The following RGS6 variants were observed in gnomAD, a reference collection of about 807,000 sequenced individuals.
RGS6 encodes the protein regulator of G protein signaling 6.
In RGS6, 30 loss-of-function variants were observed where a neutral mutation model predicts 78.5. The observed-to-expected ratio is 0.38, with a 90% CI of 0.29 to 0.52. RGS6 has a LOEUF of 0.52. Ranked by LOEUF, RGS6 falls within the 20% of genes least tolerant of loss-of-function variation. The pLI, the probability that RGS6 is intolerant of heterozygous loss-of-function variation, is 0.85. For missense variants in RGS6, 495 were observed against 609.7 expected (o/e 0.81, Z 1.98); for synonymous variants, 206 against 206.0 (o/e 1.00, Z 0.00).
At chr14:72,479,510 C>CA (rs1419861222) in intron 12 of RGS6, among the ~76,000 whole-genome samples, 1 of 152,200 alleles carries the variant, frequency 6.6e-6, no homozygotes, top group Non-Finnish European at 1.5e-5. Flanking sequence ...CAGACATTGC[C>CA]AAATGTCCCC....
At chr14:72,625,843 CT>C in the RGS6 span, among the ~76,000 whole-genome samples, 7 of 152,076 alleles carry the variant, frequency 4.6e-5, no homozygotes, top group African/African-American at 7.2e-5. Flanking sequence ...TTTGGTTATT[CT>C]TTTTCTGACT....
At chr14:72,513,779 T>G (rs2096907356) in intron 14 of RGS6, 1 of 152,208 alleles carries the variant, frequency 6.6e-6, no homozygotes, top group Non-Finnish European at 1.5e-5. Context: ...AGAGAATGAG[T>G]TAAAAATCAA....
At chr14:72,287,523 C>A (rs914370213) in intron 2 of RGS6, among the ~76,000 whole-genome samples, 1 of 152,162 alleles carries the variant, frequency 6.6e-6, no homozygotes, top group African/African-American at 2.4e-5. Flanking sequence ...GTGGCGTGAT[C>A]TAGACTTACT....
the RGS6 span, among the ~76,000 whole-genome samples, chr14:71,911,976 G>A: frequency 2.0e-5 from 3 of 152,136 alleles, no homozygotes; most frequent in African/African-American, 7.2e-5. Flanking sequence ...TTCACTTTGG[G>A]GTGGAGACTT....
intron 3 of RGS6, among the ~76,000 whole-genome samples, chr14:72,423,026 G>T (rs2094267864): frequency 6.6e-6 from 1 of 152,194 alleles, no homozygotes; most frequent in Admixed American, 6.5e-5. Context: ...CACAAAGGAA[G>T]AAAAAGACTA....
chr14:72,188,233 TTAAG>T (rs1459205005), intron 2 of RGS6, among the ~76,000 whole-genome samples: 1 of 152,174 alleles, frequency 6.6e-6, no homozygotes, highest in Non-Finnish European at 1.5e-5. Context: ...TAAACAGTCT[TTAAG>T]TAGAAACACA....
intron 2 of RGS6, among the ~76,000 whole-genome samples, chr14:72,338,954 T>C (rs2076509088): frequency 6.6e-6 from 1 of 152,230 alleles, no homozygotes; most frequent in Admixed American, 6.5e-5. Flanking sequence ...CTCACCTAAA[T>C]TTTAGAAATA....
intron 2 of RGS6, among the ~76,000 whole-genome samples, chr14:72,261,601 A>G (rs1009222250): frequency 6.6e-6 from 1 of 152,162 alleles, no homozygotes; most frequent in Non-Finnish European, 1.5e-5. Flanking sequence ...GAGAAAAAAA[A>G]AGATTCTTAA....
chr14:72,352,193 A>T lies in RGS6; in HGVS notation c.183A>T (p.Thr61=). ...SFLSKIPSVV[T]GTDIVQWLMK... ...TCTCCAAAATCCCCAGTGTCGTCAC[A>T]GGTAACACCCTCCTTGCAAGGTGTT... Residue 61 remains threonine (T), a splice_region_variant and synonymous_variant, in exon 3 of 18, where the codon ACA becomes ACT. Coordinates refer to ENST00000553525, the MANE Select transcript of RGS6 (RefSeq NM_001204424.2). 2 of 1,611,110 alleles carry T rather than the reference A, an allele frequency of 1.2e-6. No homozygotes were observed. Among genetic ancestry groups the T allele is most frequent in the Non-Finnish European group, 1.7e-6 (2 of 1,177,752 alleles).
chr14:72,405,553 A>G (rs1419933275), intron 3 of RGS6, among the ~76,000 whole-genome samples: 1 of 152,182 alleles, frequency 6.6e-6, no homozygotes, highest in Non-Finnish European at 1.5e-5. Flanking sequence ...AAGCAATTCC[A>G]TCTTCCCAGG....
chr14:72,609,011 G>T, the RGS6 span, among the ~76,000 whole-genome samples: 3 of 152,172 alleles, frequency 2.0e-5, no homozygotes, highest in Non-Finnish European at 4.4e-5. Context: ...CTAACTATCC[G>T]TAGGGAAAAT....
chr14:72,624,887 G>A, the RGS6 span, among the ~76,000 whole-genome samples: 2 of 152,182 alleles, frequency 1.3e-5, no homozygotes, highest in Non-Finnish European at 2.9e-5. Context: ...GTAATGTTGT[G>A]CCCTTCTTGG....
At chr14:72,099,325 A>G (rs916407633) in intron 2 of RGS6, among the ~76,000 whole-genome samples, 14 of 151,934 alleles carry the variant, frequency 9.2e-5, no homozygotes, top group Admixed American at 6.6e-4. Flanking sequence ...ATGCCCGGCT[A>G]ATTTTTTATA....
the RGS6 span, among the ~76,000 whole-genome samples, chr14:72,608,107 T>TC: frequency 6.6e-6 from 1 of 151,988 alleles, no homozygotes; most frequent in Admixed American, 6.6e-5. Context: ...TCCCTCAATT[T>TC]CCCCCTTGAC....
At chr14:72,570,244 T>C (rs2097718753), downstream of RGS6, among the ~76,000 whole-genome samples, 1 of 152,248 alleles carries the variant, frequency 6.6e-6, no homozygotes, top group Non-Finnish European at 1.5e-5. Flanking sequence ...ATGTAAAGTA[T>C]ATAGGAGGAT....
downstream of RGS6, among the ~76,000 whole-genome samples, chr14:72,566,731 C>T (rs1329842225): frequency 6.6e-6 from 1 of 150,540 alleles, no homozygotes; most frequent in African/African-American, 2.5e-5. Flanking sequence ...ACAGAAAAAC[C>T]AGATCTCTGG....
At chr14:72,485,923 A>G (rs1370674079) in intron 12 of RGS6, among the ~76,000 whole-genome samples, 2 of 152,136 alleles carry the variant, frequency 1.3e-5, no homozygotes, top group East Asian at 1.9e-4. Context: ...TGACTATACA[A>G]CTTTGATATG....
At chr14:71,919,759 C>T in the RGS6 span, among the ~76,000 whole-genome samples, 414 of 152,094 alleles carry the variant, frequency 2.7e-3, 1 homozygote, top group Non-Finnish European at 4.7e-3. Flanking sequence ...TTTGGGAGGC[C>T]GAGGAGGGTG....
At chr14:72,474,804 C>A in intron 10 of RGS6, 105 bp downstream of exon 10, 2 of 889,008 alleles carry the variant, frequency 2.2e-6, no homozygotes, top group Non-Finnish European at 1.7e-6. Context: ...CACCTTTTGT[C>A]ATTTGAAACC....
Sources: allele counts gnomAD v4.1 joint callset (sites outside exome capture counted in the v4.1 genomes callset), GRCh38; gene constraint gnomAD v4.1.1; transcripts MANE v1.5; gene names NCBI Gene and HGNC (gene_info 2026-07-23, HGNC 2026-07-21).